Variants in MOSMO observed in about 807,000 individuals in gnomAD.
MOSMO encodes modulator of smoothened protein.
In MOSMO, 5 loss-of-function variants were observed where a neutral mutation model predicts 18.4. The ratio of observed to expected loss-of-function variants is 0.27; its 90% CI spans 0.14 to 0.57. The LOEUF is 0.57. MOSMO is among the 20% of genes least tolerant of loss of function. MOSMO has a pLI of 0.92. For missense variants in MOSMO, 138 were observed against 211.8 expected, an observed-to-expected ratio of 0.65 and a Z score of 2.16; for synonymous variants, 82 against 82.3, an observed-to-expected ratio of 1.00 and a Z score of 0.02.
At chr16:22,071,143 C>T (rs1441334820) in intron 1 of MOSMO, among the ~76,000 whole-genome samples, 1 of 151,954 alleles carries the variant, frequency 6.6e-6, no homozygotes, top group Non-Finnish European at 1.5e-5. Context: ...ATTTTATTTC[C>T]CCAAGGAGGA....
At chr16:22,053,623 T>A (rs1700748003) in intron 1 of MOSMO, among the ~76,000 whole-genome samples, 1 of 152,022 alleles carries the variant, frequency 6.6e-6, no homozygotes, top group Non-Finnish European at 1.5e-5. Context: ...GCCAACATGG[T>A]GAAACCCTTT....
chr16:22,021,407 G>T (rs974930840), intron 1 of MOSMO, among the ~76,000 whole-genome samples: 1 of 152,104 alleles, frequency 6.6e-6, no homozygotes, highest in Admixed American at 6.5e-5. Context: ...CTGAAAAATA[G>T]TTCCTGTCCC....
chr16:22,043,399 T>G (rs1236439169), intron 1 of MOSMO, among the ~76,000 whole-genome samples: 3 of 152,220 alleles, frequency 2.0e-5, no homozygotes. Context: ...TTATTTTTCC[T>G]TAAATATGTA....
chr16:22,031,470 T>G (rs1372010336), intron 1 of MOSMO, among the ~76,000 whole-genome samples: 1 of 152,252 alleles, frequency 6.6e-6, no homozygotes, highest in Non-Finnish European at 1.5e-5. Context: ...ACAGTTGATT[T>G]TAAAACATTT....
At chr16:22,038,291 G>A (rs1900146552) in intron 1 of MOSMO, among the ~76,000 whole-genome samples, 6 of 152,218 alleles carry the variant, frequency 3.9e-5, no homozygotes, top group African/African-American at 2.4e-5. Flanking sequence ...TTCACAGTGG[G>A]TTGCAAAATA....
intron 1 of MOSMO, among the ~76,000 whole-genome samples, chr16:22,062,100 G>A (rs945910393): frequency 2.0e-5 from 3 of 152,076 alleles, no homozygotes; most frequent in African/African-American, 7.2e-5. Flanking sequence ...CCTCATATTT[G>A]TGAGGCTCTA....
intron 1 of MOSMO, among the ~76,000 whole-genome samples, chr16:22,037,618 G>T (rs1418571090): frequency 6.6e-6 from 1 of 152,176 alleles, no homozygotes; most frequent in Non-Finnish European, 1.5e-5. Context: ...CTGTGCTTCT[G>T]ATCAACTGGT....
intron 2 of MOSMO, among the ~76,000 whole-genome samples, chr16:22,079,956 G>A (rs1398550815): frequency 6.6e-6 from 1 of 151,954 alleles, no homozygotes. Context: ...ACTAATTTTT[G>A]TATTATTAGT....
At chr16:22,011,757 G>A (rs1472515636) in intron 1 of MOSMO, among the ~76,000 whole-genome samples, 1 of 151,982 alleles carries the variant, frequency 6.6e-6, no homozygotes, top group Non-Finnish European at 1.5e-5. Context: ...GAGATACTAG[G>A]AACATAGGAA....
chr16:22,059,702 C>T (rs1186463342), intron 1 of MOSMO, among the ~76,000 whole-genome samples: 1 of 152,140 alleles, frequency 6.6e-6, no homozygotes, highest in Admixed American at 6.5e-5. Flanking sequence ...CTCACTATCA[C>T]GAGAACAGCA....
rs145594688 is a variant in MOSMO at position 22,056,636 on chromosome 16, G to A, written c.107-18851G>A. Among the ~76,000 whole-genome samples, 1,247 of 151,282 alleles carry A rather than the reference G, an allele frequency of 8.2e-3. 11 individuals carry two copies. Among genetic ancestry groups the A allele is most frequent in the Non-Finnish European group, 0.013 (870 of 67,812 alleles). On this transcript the variant is annotated intron_variant, in intron 1 of 2. Transcript: ENST00000542527. Reference sequence around the variant, plus strand: ...CGACCTTAGGTGATCCGCCTGCCTCGGCCTCCCAAAGTGCTGGGATTACAG... The same window carrying A: ...CGACCTTAGGTGATCCGCCTGCCTCAGCCTCCCAAAGTGCTGGGATTACAG...
chr16:22,035,396 A>ATT lies in MOSMO; in HGVS notation c.106+27006_106+27007dup, dbSNP rs1160059034. Among the ~76,000 whole-genome samples the ATT allele has an allele frequency of 1.3e-3, 174 of 133,342 alleles. 1 individual carries two copies. Among genetic ancestry groups the ATT allele is most frequent in the East Asian group, 4.0e-3 (19 of 4,698 alleles). 87.5% of individuals were successfully genotyped at this position (133,342 alleles called of 152,430 possible). Reference sequence around the variant, plus strand: ...TTTCCCCTGCCAGAAGCAGGAGGGGATTTTTTTTTTTTTTTTTTAATCTTC... The same window carrying ATT: ...TTTCCCCTGCCAGAAGCAGGAGGGGATTTTTTTTTTTTTTTTTTTTAATCTTC... On this transcript the variant is annotated intron_variant, in intron 1 of 2. Coordinates refer to ENST00000542527, the MANE Select transcript of MOSMO (RefSeq NM_001164579.2).
intron 2 of MOSMO, 125 bp downstream of exon 2, chr16:22,075,824 C>G: frequency 1.4e-6 from 1 of 691,356 alleles, no homozygotes; most frequent in South Asian, 1.7e-5. Flanking sequence ...TTGTGTATGG[C>G]CGTGAGATAG....
intron 1 of MOSMO, among the ~76,000 whole-genome samples, chr16:22,046,682 C>T (rs759622031): frequency 9.9e-5 from 15 of 152,118 alleles, no homozygotes; most frequent in Non-Finnish European, 1.9e-4. Context: ...GTAAAAGGCA[C>T]AAAAATGTGA....
chr16:22,054,782 G>T (rs2141751589), intron 1 of MOSMO, among the ~76,000 whole-genome samples: 1 of 152,242 alleles, frequency 6.6e-6, no homozygotes, highest in East Asian at 1.9e-4. Flanking sequence ...TGACTATTTA[G>T]AAAGAGAATC....
In MOSMO at chr16:22,022,259, G is replaced by A. The variant is rs570604913; in HGVS notation, c.106+13852G>A. Among the ~76,000 whole-genome samples the A allele has an allele frequency of 7.9e-5, 12 of 151,258 alleles. No individual in the cohort carries two copies. The South Asian group carries it at 2.3e-3, about 29-fold the overall frequency. ...GGTTTCAAACTCCTCCTGAACTCAAGCAGTTCTCCCGCCCTGACCTCCCAA... is the reference window on the plus strand; with the variant it reads ...GGTTTCAAACTCCTCCTGAACTCAAACAGTTCTCCCGCCCTGACCTCCCAA... On this transcript the variant is annotated intron_variant, in intron 1 of 2. Coordinates refer to ENST00000542527, the MANE Select transcript of MOSMO (RefSeq NM_001164579.2).
At chr16:22,088,849 G>A (rs771316370), downstream of MOSMO, among the ~76,000 whole-genome samples, 4 of 152,146 alleles carry the variant, frequency 2.6e-5, no homozygotes, top group Non-Finnish European at 5.9e-5. Context: ...CAGTGTGGCT[G>A]ATCTAAAGGG....
At chr16:22,048,772 G>C (rs938183469) in intron 1 of MOSMO, among the ~76,000 whole-genome samples, 3 of 151,628 alleles carry the variant, frequency 2.0e-5, no homozygotes, top group Admixed American at 6.6e-5. Context: ...TTTCTTTATG[G>C]GTTCAGGGTT....
At chr16:22,008,435 G>C (rs1356450647) in intron 1 of MOSMO, 28 bp downstream of exon 1, 9 of 1,253,110 alleles carry the variant, frequency 7.2e-6, no homozygotes, top group East Asian at 3.8e-5. Flanking sequence ...CGGGCCGGGC[G>C]GGGGATTGGC....
Sources: allele counts gnomAD v4.1 joint callset (sites outside exome capture counted in the v4.1 genomes callset), GRCh38; gene constraint gnomAD v4.1.1; transcripts MANE v1.5; gene names NCBI Gene and HGNC (gene_info 2026-07-23, HGNC 2026-07-21).